Variants in ALDH18A1 observed in about 807,000 individuals in gnomAD.
ALDH18A1 encodes delta-1-pyrroline-5-carboxylate synthase.
ALDH18A1 carries 44 observed loss-of-function variants against 88.8 expected under a neutral mutation model. The ratio of observed to expected loss-of-function variants is 0.50; its 90% CI spans 0.39 to 0.64. The LOEUF is 0.64. ALDH18A1 is among the 30% of genes least tolerant of loss of function. ALDH18A1 has a pLI of 0.00. For missense variants in ALDH18A1, 782 were observed against 1,009.5 expected (o/e 0.77, Z 3.05); for synonymous variants, 331 against 372.1 (o/e 0.89, Z 1.27).
chr10:95,638,524 C>A lies in ALDH18A1; in HGVS notation c.304-1088G>T, dbSNP rs576275036. On this transcript the variant is annotated intron_variant, in intron 3 of 17. Coordinates refer to ENST00000371224, the MANE Select transcript of ALDH18A1 (RefSeq NM_002860.4). ...GGCCTAGTTCCTCCAAGAAATGAAGCCCAGAATAAAAGTCCGCAGGTAGGA... is the reference window on the plus strand; with the variant it reads ...GGCCTAGTTCCTCCAAGAAATGAAGACCAGAATAAAAGTCCGCAGGTAGGA... Among the ~76,000 whole-genome samples the A allele has an allele frequency of 8.5e-5, 13 of 152,232 alleles. No individual in the cohort carries two copies. The South Asian group carries it at 2.7e-3, about 32-fold the overall frequency.
At chr10:95,639,685 T>C (rs2097887693) in intron 3 of ALDH18A1, among the ~76,000 whole-genome samples, 1 of 152,094 alleles carries the variant, frequency 6.6e-6, no homozygotes, top group African/African-American at 2.4e-5. Flanking sequence ...CCAATTTTTT[T>C]TTACCTTGCT....
rs1287098930 is a variant in ALDH18A1 at position 95,606,709 on chromosome 10, A to G, written c.*53T>C. The G allele has an allele frequency of 6.2e-7, 1 of 1,613,624 alleles. No individual in the cohort carries two copies. The highest frequency in any genetic ancestry group is 8.5e-7 in the Non-Finnish European group (1 of 1,179,868). The stretch of plus-strand genomic sequence containing the variant: ...AGAGCGGGCTCTCTCCTGAGATAAG[A>G]CAAGTTTAACGTGAAGACCTTTTGG... On this transcript the variant is annotated 3_prime_UTR_variant, in exon 18 of 18. Transcript: ENST00000371224.
In ALDH18A1 at chr10:95,643,196, C is replaced by T; in HGVS notation, c.99G>A (p.Gln33=). ...AACGAACATGTCTGATGACTGAAGG[C>T]TGGATACAATCTGTAGCCATCAAAG... ...CTTVFRSHCI[Q]PSVIRHVRSW... Residue 33 remains glutamine, a synonymous_variant, in exon 3 of 18, where the codon CAG becomes CAA. Coordinates refer to ENST00000371224, the MANE Select transcript of ALDH18A1 (RefSeq NM_002860.4). 6.2e-7 allele frequency: 1 copy of T among 1,614,100 alleles called. No homozygotes were observed. The highest frequency in any genetic ancestry group is 8.5e-7 in the Non-Finnish European group (1 of 1,180,010).
At chr10:95,629,780 T>TA (rs556928316) in intron 7 of ALDH18A1, among the ~76,000 whole-genome samples, 2 of 152,146 alleles carry the variant, frequency 1.3e-5, no homozygotes, top group South Asian at 4.1e-4. Flanking sequence ...GATACTGTTC[T>TA]AAAAAATCAA....
chr10:95,639,583 ATATAAT>A (rs1238244235), intron 3 of ALDH18A1, among the ~76,000 whole-genome samples: 15 of 151,396 alleles, frequency 9.9e-5, no homozygotes, highest in African/African-American at 1.4e-4. Context: ...TATATATAAT[ATATAAT>A]TATATGTCTT....
intron 3 of ALDH18A1, among the ~76,000 whole-genome samples, chr10:95,642,752 T>C (rs2097894158): frequency 6.6e-6 from 1 of 152,216 alleles, no homozygotes; most frequent in Non-Finnish European, 1.5e-5. Flanking sequence ...TCTTTATCAC[T>C]AAGAAGTCTG....
At chr10:95,629,037 G>A (rs930764571) in intron 7 of ALDH18A1, among the ~76,000 whole-genome samples, 6 of 152,194 alleles carry the variant, frequency 3.9e-5, no homozygotes, top group African/African-American at 9.7e-5. Flanking sequence ...AGGAGAGTGC[G>A]TGACTCTTGG....
intron 12 of ALDH18A1, among the ~76,000 whole-genome samples, chr10:95,617,551 A>G (rs538658026): frequency 2.6e-5 from 4 of 152,350 alleles, no homozygotes; most frequent in Non-Finnish European, 5.9e-5. Flanking sequence ...AGGAAAACGT[A>G]AACCATCCAG....
In ALDH18A1 at chr10:95,614,075, G is replaced by A; in HGVS notation, c.1692C>T (p.Val564=). 1 of 1,614,164 alleles carries A rather than the reference G, an allele frequency of 6.2e-7. No individual in the cohort carries two copies. The highest frequency in any genetic ancestry group is 8.5e-7 in the Non-Finnish European group (1 of 1,180,028). ...CCTTAGCAGCTTTCTGGATGTCTCT[G>A]ACCAGCTGGGAAGAGCCACGTGGAA... ...LIIPRGSSQL[V]RDIQKAAKGI... The change falls in exon 14 of 18, where the codon GTC becomes GTT. Residue 564 remains valine, a synonymous_variant. Coordinates refer to ENST00000371224, the MANE Select transcript of ALDH18A1 (RefSeq NM_002860.4).
chr10:95,644,268 T>C (rs573793165), intron 2 of ALDH18A1, among the ~76,000 whole-genome samples: 1 of 152,348 alleles, frequency 6.6e-6, no homozygotes, highest in South Asian at 2.1e-4. Context: ...TCCAGATGCC[T>C]GTAACAATGA....
At chr10:95,608,613 T>A (rs920841659) in intron 17 of ALDH18A1, among the ~76,000 whole-genome samples, 1 of 152,222 alleles carries the variant, frequency 6.6e-6, no homozygotes, top group African/African-American at 2.4e-5. Flanking sequence ...GGGATCCTCT[T>A]GCCTCAGCCT....
At chr10:95,623,774 A>G (rs938470551) in intron 11 of ALDH18A1, among the ~76,000 whole-genome samples, 1 of 152,270 alleles carries the variant, frequency 6.6e-6, no homozygotes, top group Non-Finnish European at 1.5e-5. Flanking sequence ...CATGTTGGTC[A>G]GGCTGGTCTT....
rs1161938935 is a variant in ALDH18A1, at chr10:95,614,014, G to A, written c.1753C>T (p.His585Tyr). 5 of 1,614,192 alleles carry A rather than the reference G, an allele frequency of 3.1e-6. No individual in the cohort carries two copies. The highest frequency in any genetic ancestry group is 4.2e-6 in the Non-Finnish European group (5 of 1,180,034). The change falls in exon 14 of 18, where the codon CAC becomes TAC. Residue 585 changes from histidine (H) to tyrosine (Y), a missense_variant. This residue lies in a region of ALDH18A1 where 556 missense variants were observed against 654.5 expected (regional missense o/e 0.85). Transcript: ENST00000371224. The stretch of plus-strand genomic sequence containing the variant: ...CTGGCCTCGGAATCCACATACATGT[G>A]ACAGATCCCTTCGCTGTGCCCCATC... ...PVMGHSEGICHMYVDSEASVD... is the reference protein window; with the variant it reads ...PVMGHSEGICYMYVDSEASVD...
chr10:95,638,474 T>G (rs886262437), intron 3 of ALDH18A1, among the ~76,000 whole-genome samples: 7 of 152,154 alleles, frequency 4.6e-5, no homozygotes, highest in African/African-American at 1.4e-4. Flanking sequence ...CAACCTAATA[T>G]TTGCAGGGAG....
rs2097844652 is a variant in ALDH18A1 at position 95,616,586 on chromosome 10, T to C, written c.1496A>G (p.Asn499Ser). The C allele has an allele frequency of 6.2e-7, 1 of 1,607,012 alleles. No homozygotes were observed. Among genetic ancestry groups the C allele is most frequent in the Non-Finnish European group, 8.5e-7 (1 of 1,176,882 alleles). ...QVAALAIASG[N>S]GLLLKGGKEA... The stretch of plus-strand genomic sequence containing the variant: ...CTTCCCTCCTTTGAGTAACAAGCCA[T>C]TGCCACTTGCGATAGCCAAAGCTGC... The change falls in exon 13 of 18, where the codon AAT (asparagine) becomes AGT (serine). Residue 499 changes from asparagine to serine, a missense_variant. Physicochemically the swap from Asn to Ser is conservative, Grantham distance 46. Around this residue, in one of 3 missense-constraint regions of ALDH18A1, gnomAD observed 556 missense variants for 654.5 expected, o/e 0.85. Coordinates refer to ENST00000371224, the MANE Select transcript of ALDH18A1 (RefSeq NM_002860.4).
At chr10:95,617,296 T>C (rs1022777050) in intron 12 of ALDH18A1, among the ~76,000 whole-genome samples, 4 of 152,214 alleles carry the variant, frequency 2.6e-5, no homozygotes, top group Non-Finnish European at 5.9e-5. Flanking sequence ...CAGGGCCACA[T>C]GGCACCCCCC....
At chr10:95,611,630 C>A (rs376724973) in intron 15 of ALDH18A1, among the ~76,000 whole-genome samples, 188 bp from the exon 16 acceptor site, 4 of 152,288 alleles carry the variant, frequency 2.6e-5, no homozygotes. Flanking sequence ...AATGGGCCCT[C>A]AAGACAGTTG....
rs2097822852 is a variant in ALDH18A1, at chr10:95,606,451, G to A, written c.*311C>T. ...CTGTAAGTCACTGAGGTGACACAAA[G>A]CAGCCATGGGTTTTCCTCGCCTTTT... On this transcript the variant is annotated 3_prime_UTR_variant, in exon 18 of 18. Transcript: ENST00000371224. 2 of 1,222,764 alleles carry A rather than the reference G, an allele frequency of 1.6e-6. No individual in the cohort carries two copies. The highest frequency in any genetic ancestry group is 3.6e-5 in the Admixed American group (1 of 27,554). 75.7% of individuals were successfully genotyped at this position (1,222,764 alleles called of 1,614,324 possible).
Position 95,610,263 on chromosome 10 carries a change from C to T in ALDH18A1, c.2140G>A (p.Val714Ile), listed in dbSNP as rs756291410. The change falls in exon 17 of 18, where the codon GTA becomes ATA. Residue 714 changes from valine (V) to isoleucine (I), a missense_variant. Transcript: ENST00000371224. ...ENTAEFFLQHVDSACVFWNAS... is the reference protein window; with the variant it reads ...ENTAEFFLQHIDSACVFWNAS... ...TTCCAGAACACACAGGCACTGTCTA[C>T]GTGCTGCAGGAAGAACTCCGCTGTG... The T allele has an allele frequency of 2.2e-5, 36 of 1,614,020 alleles. No homozygotes were observed. The highest frequency in any genetic ancestry group is 1.8e-4 in the East Asian group (8 of 44,880).
Sources: gnomAD v4.1 joint callset for allele counts (sites outside exome capture counted in the v4.1 genomes callset) on GRCh38, gnomAD v4.1.1 for gene constraint, gnomAD v4.1.1 regional missense constraint, MANE v1.5 for transcripts, NCBI Gene and HGNC (gene_info 2026-07-23, HGNC 2026-07-21) for gene names.